The following CUX1 variants were observed in gnomAD, a reference collection of about 807,000 sequenced individuals.
The protein encoded by CUX1 is cut like homeobox 1, also known as protein CASP.
CUX1 carries 31 observed loss-of-function variants against 158.8 expected under a neutral mutation model. The ratio of observed to expected loss-of-function variants is 0.20; its 90% CI spans 0.15 to 0.26. The LOEUF is 0.26. CUX1 is among the 10% of genes least tolerant of loss of function. The probability of loss-of-function intolerance (pLI) is 1.00; values close to 1 mark genes in which losing one functional copy is unlikely to be tolerated. For missense variants in CUX1, 1,589 were observed against 2,014.6 expected, an observed-to-expected ratio of 0.79 and a Z score of 4.04; for synonymous variants, 879 against 862.1, an observed-to-expected ratio of 1.02 and a Z score of -0.34.
chr7:102,260,250 C>A (rs1193204140), downstream of CUX1, among the ~76,000 whole-genome samples: 2 of 150,590 alleles, frequency 1.3e-5, no homozygotes. Context: ...GTGTGCACCA[C>A]CACGCCTGGC....
chr7:102,153,598 G>A (rs891701594), intron 8 of CUX1: 14 of 152,254 alleles, frequency 9.2e-5, no homozygotes, highest in African/African-American at 3.1e-4. Context: ...CAGAGATGGG[G>A]GCCATCCCCT....
intron 1 of CUX1, among the ~76,000 whole-genome samples, chr7:101,894,443 T>C (rs1421770201): frequency 6.6e-6 from 1 of 152,150 alleles, no homozygotes; most frequent in Non-Finnish European, 1.5e-5. Context: ...CCCAAGACGC[T>C]GGGATTACAG....
Position 101,967,581 on chromosome 7 carries a change from G to A in CUX1, c.141+51356G>A, listed in dbSNP as rs527684502. Among the ~76,000 whole-genome samples the A allele has an allele frequency of 4.6e-5, 7 of 152,222 alleles. No homozygotes were observed. The South Asian group carries it at 8.3e-4, about 18-fold the overall frequency. On this transcript the variant is annotated intron_variant, in intron 2 of 23. Transcript: ENST00000292535. The stretch of plus-strand genomic sequence containing the variant: ...GAAATAAACTCATCTTGCTGAGCCC[G>A]GGCATGTATGCGTCAATGGTGAAAA...
At position 102,255,395 on chromosome 7, in the gene CUX1, A is replaced by AT. The variant is rs1156665707; in HGVS notation, c.*6353_*6354insT. 1.0e-6 allele frequency: 1 copy of AT among 984,410 alleles called. No individual in the cohort carries two copies. The highest frequency in any genetic ancestry group is 1.1e-4 in the East Asian group (1 of 8,782). The allele number at this position is 984,410 out of a possible 1,614,324, so 61.0% of individuals were successfully genotyped here. On this transcript the variant is annotated 3_prime_UTR_variant, in exon 24 of 24. Coordinates refer to ENST00000292535, the MANE Select transcript of CUX1 (RefSeq NM_181552.4). ...GTAGGCGAAAAATCCCAAAAAAAAA[A>AT]AAAGACAAAAAAAAAAGGCTGGCGA...
intron 2 of CUX1, among the ~76,000 whole-genome samples, chr7:101,924,393 C>T (rs867996072): frequency 6.6e-6 from 1 of 152,056 alleles, no homozygotes; most frequent in African/African-American, 2.4e-5. Flanking sequence ...CTCCAGTGGA[C>T]ACGTGGTGCA....
intron 23 of CUX1, among the ~76,000 whole-genome samples, chr7:102,246,623 G>A (rs1415518317): frequency 6.6e-6 from 1 of 151,856 alleles, no homozygotes; most frequent in African/African-American, 2.4e-5. Flanking sequence ...CCAGGCTGGA[G>A]TGCAGTGGCA....
chr7:101,951,059 G>T (rs900046754), intron 2 of CUX1, among the ~76,000 whole-genome samples: 1 of 152,108 alleles, frequency 6.6e-6, no homozygotes, highest in Non-Finnish European at 1.5e-5. Flanking sequence ...AGGCTGGTGC[G>T]GTGGCTCAAC....
intron 1 of CUX1, among the ~76,000 whole-genome samples, chr7:101,902,692 T>C (rs1456045560): frequency 6.6e-6 from 1 of 152,228 alleles, no homozygotes; most frequent in Admixed American, 6.5e-5. Context: ...GTCTTTGACA[T>C]CCGTCTTCTG....
chr7:102,195,599 G>T lies in CUX1; in HGVS notation c.1218G>T (p.Leu406=). ...CGCTGCGCATCTCCAACAGCGACCT[G>T]AGCGGTAGGTTGGCCGGGCTTCGCG... ...NAALRISNSD[L]SGSARRKGKD... The change falls in exon 14 of 24, where the codon CTG becomes CTT. Residue 406 remains leucine, a synonymous_variant. Transcript: ENST00000292535. 1.2e-6 allele frequency: 2 copies of T among 1,606,260 alleles called. No homozygotes were observed. The highest frequency in any genetic ancestry group is 1.7e-6 in the Non-Finnish European group (2 of 1,177,312).
chr7:101,957,999 G>T (rs1809978440), intron 2 of CUX1, among the ~76,000 whole-genome samples: 2 of 152,154 alleles, frequency 1.3e-5, no homozygotes, highest in Admixed American at 1.3e-4. Context: ...TGTAATGGGG[G>T]ATCTCTGGTA....
chr7:102,245,340 G>T lies in CUX1; in HGVS notation c.3888-3072G>T, dbSNP rs114780838. Among the ~76,000 whole-genome samples the T allele has an allele frequency of 2.6e-5, 4 of 152,246 alleles. No individual in the cohort carries two copies. In the East Asian group the frequency reaches 5.8e-4, roughly 22 times the overall value. ...ATTATAGGCATGAGTCCCTGCACCC[G>T]GCCTGAGCAGACAGTTTTATAGATA... On this transcript the variant is annotated intron_variant, in intron 23 of 23. Coordinates refer to ENST00000292535, the MANE Select transcript of CUX1 (RefSeq NM_181552.4).
chr7:102,108,120 A>G (rs763469502), intron 6 of CUX1, among the ~76,000 whole-genome samples: 2 of 152,208 alleles, frequency 1.3e-5, no homozygotes, highest in Non-Finnish European at 2.9e-5. Flanking sequence ...GTTAGTAAAA[A>G]GAACGGACCA....
intron 3 of CUX1, among the ~76,000 whole-genome samples, chr7:102,028,784 A>G (rs1820368911): frequency 6.6e-6 from 1 of 152,210 alleles, no homozygotes; most frequent in African/African-American, 2.4e-5. Flanking sequence ...CACGTGAGTG[A>G]CACTCTTTGC....
chr7:102,167,280 A>G (rs1215085030), intron 9 of CUX1, among the ~76,000 whole-genome samples: 1 of 151,608 alleles, frequency 6.6e-6, no homozygotes, highest in Non-Finnish European at 1.5e-5. Flanking sequence ...AAAAAAAAAA[A>G]GAAAAGAAAA....
chr7:101,932,917 T>C (rs1252968251), intron 2 of CUX1, among the ~76,000 whole-genome samples: 2 of 152,228 alleles, frequency 1.3e-5, no homozygotes, highest in Non-Finnish European at 2.9e-5. Flanking sequence ...AGAGGTGATA[T>C]TTGTATTTTT....
exon 22 of CUX1, chr7:102,282,739 A>G (rs1554549682): frequency 1.2e-6 from 2 of 1,613,434 alleles, no homozygotes; most frequent in Non-Finnish European, 1.7e-6. Context: ...ATGGAGCGAG[A>G]GCATGGAGAG....
At chr7:101,989,461 A>G (rs900086666) in intron 2 of CUX1, among the ~76,000 whole-genome samples, 1 of 152,192 alleles carries the variant, frequency 6.6e-6, no homozygotes, top group African/African-American at 2.4e-5. Flanking sequence ...AAATGTTAGG[A>G]AAGTCTGTAA....
In CUX1 at chr7:102,249,497, C is replaced by T; in HGVS notation, c.*455C>T. 1 of 985,576 alleles carries T rather than the reference C, an allele frequency of 1.0e-6. No individual in the cohort carries two copies. The highest frequency in any genetic ancestry group is 1.1e-4 in the East Asian group (1 of 8,812). 61.1% of individuals were successfully genotyped at this position (985,576 alleles called of 1,614,324 possible). A position where few individuals can be genotyped will look rare whatever the true frequency, so the allele number is the denominator to read the frequency against. On this transcript the variant is annotated 3_prime_UTR_variant, in exon 24 of 24. Coordinates refer to ENST00000292535, the MANE Select transcript of CUX1 (RefSeq NM_181552.4). ...TACCCTGAAGTGTTTTTTTTATTGCCCTAAGTGATTTCCACAGGTTCTGGA... is the reference window on the plus strand; with the variant it reads ...TACCCTGAAGTGTTTTTTTTATTGCTCTAAGTGATTTCCACAGGTTCTGGA...
intron 2 of CUX1, among the ~76,000 whole-genome samples, chr7:101,987,270 G>A (rs1049445686): frequency 3.9e-5 from 6 of 152,180 alleles, no homozygotes; most frequent in Admixed American, 1.3e-4. Context: ...GAGCCACGAC[G>A]GTAAACAGAG....
Sources: allele counts gnomAD v4.1 joint callset (sites outside exome capture counted in the v4.1 genomes callset), GRCh38; gene constraint gnomAD v4.1.1; transcripts MANE v1.5; gene names NCBI Gene and HGNC (gene_info 2026-07-23, HGNC 2026-07-21).